B3GLCT: variants seen among roughly 807,000 people sequenced by gnomAD.
B3GLCT encodes the protein beta 3-glucosyltransferase, also known as beta-1,3-glucosyltransferase.
B3GLCT carries 65 observed loss-of-function variants against 63.4 expected under a neutral mutation model. The ratio of observed to expected loss-of-function variants is 1.03; its 90% CI spans 0.84 to 1.26. The LOEUF is 1.26. B3GLCT is among the 50% of genes most tolerant of loss of function. The pLI is 0.00. For missense variants in B3GLCT, 577 were observed against 604.8 expected (o/e 0.95, Z 0.48); for synonymous variants, 233 against 219.2 (o/e 1.06, Z -0.55).
At chr13:31,233,115 C>CT (rs1389732011) in intron 4 of B3GLCT, among the ~76,000 whole-genome samples, 1 of 152,114 alleles carries the variant, frequency 6.6e-6, no homozygotes, top group Non-Finnish European at 1.5e-5. Context: ...TGAATTGACT[C>CT]TAAGAAATTT....
intron 10 of B3GLCT, among the ~76,000 whole-genome samples, chr13:31,280,831 A>G (rs1462416849): frequency 6.6e-6 from 1 of 152,244 alleles, no homozygotes; most frequent in Admixed American, 6.5e-5. Flanking sequence ...TTTTGGCTCA[A>G]GGAAGTAATA....
At chr13:31,283,634 A>T (rs1276422963) in intron 10 of B3GLCT, among the ~76,000 whole-genome samples, 1 of 152,104 alleles carries the variant, frequency 6.6e-6, no homozygotes, top group Non-Finnish European at 1.5e-5. Flanking sequence ...GAGATTATAA[A>T]ATGATGCACT....
chr13:31,249,721 TA>T (rs767816882), intron 6 of B3GLCT, among the ~76,000 whole-genome samples: 11 of 151,376 alleles, frequency 7.3e-5, no homozygotes, highest in Admixed American at 2.0e-4. Flanking sequence ...CTGCCATGTG[TA>T]AAAAAAAACC....
chr13:31,222,994 A>T lies in B3GLCT; in HGVS notation c.160+3A>T. 9 of 1,491,302 alleles carry T rather than the reference A, an allele frequency of 6.0e-6. No individual in the cohort carries two copies. The highest frequency in any genetic ancestry group is 1.4e-5 in the African/African-American group (1 of 72,402). 92.4% of individuals were successfully genotyped at this position (1,491,302 alleles called of 1,614,324 possible). A position where few individuals can be genotyped will look rare whatever the true frequency, so the allele number is the denominator to read the frequency against. ...TATATCAAGGAAAAATGACATAGGT[A>T]AGTAATGATTTTTTTTACCTAAGAG... On this transcript the variant is annotated splice_donor_region_variant and intron_variant, in intron 3 of 14. Transcript: ENST00000343307.
At position 31,317,599 on chromosome 13, in the gene B3GLCT, T is replaced by C. The variant is rs80338852; in HGVS notation, c.1098T>C (p.Tyr366=). The C allele has an allele frequency of 1.3e-5, 21 of 1,614,108 alleles. No individual in the cohort carries two copies. Among genetic ancestry groups the C allele is most frequent in the Non-Finnish European group, 1.8e-5 (21 of 1,179,972 alleles). ...ISRLQHLLSC[Y]DSGEPVFLGE... is the part of the protein sequence containing the mutation. ...GGCTCCAGCACTTGCTTAGCTGTTA[T>C]GACTCCGGCGAGCCTGTGTTTCTGG... The change falls in exon 13 of 15, where the codon TAT becomes TAC. Residue 366 remains tyrosine (Y), a synonymous_variant. Transcript: ENST00000343307.
At chr13:31,259,854 CT>C (rs1871932998) in intron 6 of B3GLCT, among the ~76,000 whole-genome samples, 1 of 151,590 alleles carries the variant, frequency 6.6e-6, no homozygotes, top group Non-Finnish European at 1.5e-5. Flanking sequence ...TATTACTATA[CT>C]TTAAGTTTTA....
chr13:31,241,599 G>A (rs1200380856), intron 4 of B3GLCT, among the ~76,000 whole-genome samples: 3 of 152,210 alleles, frequency 2.0e-5, no homozygotes, highest in Non-Finnish European at 2.9e-5. Flanking sequence ...TTGAGTTGCT[G>A]TATGAATCAG....
At chr13:31,241,387 A>C (rs968761918) in intron 4 of B3GLCT, among the ~76,000 whole-genome samples, 1 of 152,220 alleles carries the variant, frequency 6.6e-6, no homozygotes, top group Non-Finnish European at 1.5e-5. Flanking sequence ...AGTGGAGGCC[A>C]AGTGCAAAGC....
intron 14 of B3GLCT, among the ~76,000 whole-genome samples, chr13:31,328,910 A>C (rs117294273): frequency 3.4e-4 from 52 of 152,142 alleles, no homozygotes; most frequent in Non-Finnish European, 6.8e-4. Context: ...GTCCTTTCAC[A>C]AACTATTTCG....
chr13:31,226,861 G>C (rs1593256808), intron 3 of B3GLCT, among the ~76,000 whole-genome samples: 2 of 152,112 alleles, frequency 1.3e-5, no homozygotes, highest in Admixed American at 6.5e-5. Context: ...ATTAGATTAA[G>C]AAATAAAATA....
chr13:31,207,412 G>T (rs761252974), intron 1 of B3GLCT, among the ~76,000 whole-genome samples: 1 of 151,736 alleles, frequency 6.6e-6, no homozygotes. Context: ...GTGAGGGTGG[G>T]GTTTTAAATC....
intron 12 of B3GLCT, among the ~76,000 whole-genome samples, chr13:31,299,963 T>C (rs1265780708): frequency 6.6e-6 from 1 of 152,226 alleles, no homozygotes; most frequent in Non-Finnish European, 1.5e-5. Flanking sequence ...CAAGTGTTTC[T>C]ACCACTGTTC....
At position 31,276,707 on chromosome 13, in the gene B3GLCT, G is replaced by A. The variant is rs373860865; in HGVS notation, c.786G>A (p.Lys262=). 7.5e-6 allele frequency: 12 copies of A among 1,610,100 alleles called. No individual in the cohort carries two copies. The highest frequency in any genetic ancestry group is 1.0e-5 in the Non-Finnish European group (12 of 1,176,962). ...TTTTCTTTTCTTTTTTTTAGAGAAA[G>A]CCAGTGAAGAAGAAGGATATTTTTG... ...TFHSFLPLCR[K]PVKKKDIFVA... is the part of the protein sequence containing the mutation. The change falls in exon 10 of 15, where the codon AAG becomes AAA. Residue 262 remains lysine (K), a synonymous_variant. Transcript: ENST00000343307.
rs757819533 is a variant in B3GLCT at position 31,329,685 on chromosome 13, C to T, written c.*17C>T. ...GAGTTATAAATCAGGGTGACCTGTG[C>T]GCCTAGCCTGCGCAGGGAATGAACT... is the stretch of plus-strand genomic sequence containing the variant. On this transcript the variant is annotated 3_prime_UTR_variant, in exon 15 of 15. Coordinates refer to ENST00000343307, the MANE Select transcript of B3GLCT (RefSeq NM_194318.4). 8 of 1,613,638 alleles carry T rather than the reference C, an allele frequency of 5.0e-6. No homozygotes were observed. The highest frequency in any genetic ancestry group is 2.2e-5 in the East Asian group (1 of 44,886).
At chr13:31,317,080 A>C (rs1200176203) in intron 12 of B3GLCT, among the ~76,000 whole-genome samples, 1 of 152,016 alleles carries the variant, frequency 6.6e-6, no homozygotes, top group Non-Finnish European at 1.5e-5. Flanking sequence ...TCTCTTCCCC[A>C]CCTGCCAGCC....
At chr13:31,292,804 C>G (rs149756215) in intron 12 of B3GLCT, among the ~76,000 whole-genome samples, 102 of 151,264 alleles carry the variant, frequency 6.7e-4, no homozygotes, top group African/African-American at 2.2e-3. Flanking sequence ...GTGTCTCTGT[C>G]TCCTTCAGTT....
chr13:31,229,276 G>A lies in B3GLCT; in HGVS notation c.252G>A (p.Gln84=). The A allele has an allele frequency of 6.2e-7, 1 of 1,610,020 alleles. No homozygotes were observed. Among genetic ancestry groups the A allele is most frequent in the South Asian group, 1.1e-5 (1 of 90,990 alleles). ...AEQLKKSILK[Q]AADLTQELPS... ...AGTTAAAAAAAAGCATCTTAAAGCA[G>A]GCTGCAGATCTTACACAGGTACGTA... The change falls in exon 4 of 15, where the codon CAG becomes CAA. Residue 84 remains glutamine (Q), a synonymous_variant. Transcript: ENST00000343307.
intron 4 of B3GLCT, among the ~76,000 whole-genome samples, chr13:31,238,908 T>C (rs1870791405): frequency 1.3e-5 from 2 of 152,224 alleles, no homozygotes; most frequent in African/African-American, 2.4e-5. Flanking sequence ...TTTGAAGCTG[T>C]GTAGCAATAT....
intron 4 of B3GLCT, among the ~76,000 whole-genome samples, chr13:31,230,117 A>G (rs1870304858): frequency 6.6e-6 from 1 of 152,190 alleles, no homozygotes; most frequent in Non-Finnish European, 1.5e-5. Flanking sequence ...TTGATTTATA[A>G]TGTAATATTC....
Sources: allele counts gnomAD v4.1 joint callset (sites outside exome capture counted in the v4.1 genomes callset), GRCh38; gene constraint gnomAD v4.1.1; transcripts MANE v1.5; gene names NCBI Gene and HGNC (gene_info 2026-07-23, HGNC 2026-07-21).